The following GNA14 variants were observed in gnomAD, a reference collection of about 807,000 sequenced individuals.
GNA14 encodes guanine nucleotide-binding protein subunit alpha-14.
A neutral mutation model predicts 42.0 loss-of-function variants in GNA14; 50 were observed. That is an observed-to-expected ratio of 1.19 (90% CI 0.95 to 1.51). The LOEUF (loss-of-function observed/expected upper bound fraction) is 1.51, where lower values mean the gene tolerates loss of function less well. Ranked by LOEUF, GNA14 falls within the 40% of genes most tolerant of loss-of-function variation. The pLI is 0.00. For missense variants in GNA14, 473 were observed against 446.2 expected (o/e 1.06, Z -0.54); for synonymous variants, 173 against 163.1 (o/e 1.06, Z -0.46).
intron 2 of GNA14, among the ~76,000 whole-genome samples, chr9:77,474,251 C>A (rs1385326443): frequency 6.6e-6 from 1 of 152,112 alleles, no homozygotes; most frequent in Non-Finnish European, 1.5e-5. Flanking sequence ...GTTTGTAAAT[C>A]ATGTATTTAA....
At chr9:77,598,881 T>G (rs1823508142) in intron 1 of GNA14, among the ~76,000 whole-genome samples, 1 of 152,200 alleles carries the variant, frequency 6.6e-6, no homozygotes, top group South Asian at 2.1e-4. Context: ...GATTGACCAG[T>G]TCATTCAATA....
At position 77,536,655 on chromosome 9, in the gene GNA14, A is replaced by G. The variant is rs138316816; in HGVS notation, c.125-7402T>C. Among the ~76,000 whole-genome samples, 1,108 of 152,306 alleles carry G rather than the reference A, an allele frequency of 7.3e-3. 21 individuals carry two copies. Among genetic ancestry groups the G allele is most frequent in the African/African-American group, 0.025 (1,046 of 41,568 alleles). ...GTAAGACACCGTGCCCTGCCTTATT[A>G]GTCTCTTGATTCGTTAATCTGCAAA... On this transcript the variant is annotated intron_variant, in intron 1 of 6. Transcript: ENST00000341700.
intron 1 of GNA14, among the ~76,000 whole-genome samples, chr9:77,610,121 C>T (rs1374478296): frequency 2.0e-5 from 3 of 152,136 alleles, no homozygotes; most frequent in Non-Finnish European, 1.5e-5. Context: ...AGTTTAGTTC[C>T]ACCCCTCACC....
chr9:77,428,082 TC>T (rs531338581), intron 5 of GNA14, among the ~76,000 whole-genome samples: 4,831 of 136,710 alleles, frequency 0.035, 202 homozygotes, highest in South Asian at 0.059. Flanking sequence ...TTTTTTTTTT[TC>T]TTTTTTTTTT....
At chr9:77,565,048 C>A (rs767992561) in intron 1 of GNA14, among the ~76,000 whole-genome samples, 13 of 152,182 alleles carry the variant, frequency 8.5e-5, no homozygotes, top group Non-Finnish European at 1.3e-4. Context: ...TATTGTTCTG[C>A]TGCTGTTTTC....
At position 77,647,770 on chromosome 9, in the gene GNA14, G is replaced by T; in HGVS notation, c.24C>A (p.Ser8=). The change falls in exon 1 of 7, where the codon TCC becomes TCA. Residue 8 remains serine (S), a synonymous_variant. Transcript: ENST00000341700. MAGCCCL[S]AEEKESQRIS... ...TGCGCTGCGACTCCTTCTCCTCCGC[G>T]GACAGGCAGCAGCAGCCGGCCATGG... 1.2e-6 allele frequency: 2 copies of T among 1,609,990 alleles called. No individual in the cohort carries two copies. Among genetic ancestry groups the T allele is most frequent in the Non-Finnish European group, 1.7e-6 (2 of 1,178,844 alleles).
chr9:77,553,187 A>G (rs1384173160), intron 1 of GNA14, among the ~76,000 whole-genome samples: 2 of 151,744 alleles, frequency 1.3e-5, no homozygotes, highest in Non-Finnish European at 2.9e-5. Context: ...GTTCTTTTCT[A>G]CTCCCCCAGC....
chr9:77,454,682 A>C (rs975501690), intron 2 of GNA14, among the ~76,000 whole-genome samples: 1 of 149,680 alleles, frequency 6.7e-6, no homozygotes, highest in African/African-American at 2.5e-5. Flanking sequence ...TGACCTCACT[A>C]TAGCCTTTCC....
intron 1 of GNA14, among the ~76,000 whole-genome samples, chr9:77,579,906 G>A (rs940411446): frequency 6.6e-6 from 1 of 152,086 alleles, no homozygotes; most frequent in Non-Finnish European, 1.5e-5. Context: ...TTCCTCTTGG[G>A]AGCACACTTG....
intron 1 of GNA14, among the ~76,000 whole-genome samples, chr9:77,606,023 C>G (rs1197190913): frequency 6.6e-6 from 1 of 152,058 alleles, no homozygotes; most frequent in African/African-American, 2.4e-5. Flanking sequence ...GGAAAAAACT[C>G]AAACAATGAA....
intron 1 of GNA14, among the ~76,000 whole-genome samples, chr9:77,622,540 G>A (rs941010053): frequency 5.1e-4 from 78 of 151,906 alleles, no homozygotes; most frequent in African/African-American, 1.8e-3. Context: ...AGGCCGAGTT[G>A]GGCGGATCAC....
chr9:77,439,424 A>G (rs1489752303), intron 2 of GNA14, among the ~76,000 whole-genome samples: 1 of 152,120 alleles, frequency 6.6e-6, no homozygotes, highest in Middle Eastern at 3.2e-3. Flanking sequence ...GGATCGCTTG[A>G]GCCTAGGAAT....
chr9:77,441,986 G>A (rs1275265089), intron 2 of GNA14, among the ~76,000 whole-genome samples: 1 of 152,210 alleles, frequency 6.6e-6, no homozygotes, highest in Non-Finnish European at 1.5e-5. Context: ...TCAGGTAAAG[G>A]AGGATGACTA....
intron 2 of GNA14, among the ~76,000 whole-genome samples, chr9:77,471,676 C>T (rs1351164301): frequency 3.9e-5 from 6 of 152,014 alleles, no homozygotes; most frequent in Non-Finnish European, 7.4e-5. Flanking sequence ...TAGTTGAGAA[C>T]GCAGGAGAAA....
chr9:77,536,368 G>C (rs1837599196), intron 1 of GNA14, among the ~76,000 whole-genome samples: 1 of 152,092 alleles, frequency 6.6e-6, no homozygotes. Context: ...GTGTGTGAGA[G>C]AGACAAGAGT....
At chr9:77,515,988 G>C (rs999637888) in intron 2 of GNA14, among the ~76,000 whole-genome samples, 4 of 66,788 alleles carry the variant, frequency 6.0e-5, no homozygotes, top group Non-Finnish European at 9.2e-5. Flanking sequence ...AAAAAACCCA[G>C]AGCAGGAAGA....
In GNA14 at chr9:77,568,442, G is replaced by C. The variant is rs541920004; in HGVS notation, c.125-39189C>G. Among the ~76,000 whole-genome samples the C allele has an allele frequency of 4.0e-4, 60 of 150,864 alleles. 1 individual carries two copies. Among genetic ancestry groups the C allele is most frequent in the Non-Finnish European group, 7.1e-4 (48 of 67,654 alleles). The stretch of plus-strand genomic sequence containing the variant: ...AGGAGGTGGAGGTTGCAGTGAGCAG[G>C]GATCATGCCACTGCACTCCAGCCTG... On this transcript the variant is annotated intron_variant, in intron 1 of 6. Transcript: ENST00000341700.
chr9:77,517,420 T>C (rs1268042534), intron 2 of GNA14: 1 of 150,268 alleles, frequency 6.7e-6, no homozygotes, highest in East Asian at 2.0e-4. Flanking sequence ...GGGCCACCCA[T>C]TAATTCATTG....
At chr9:77,538,444 A>AT (rs964748659) in intron 1 of GNA14, among the ~76,000 whole-genome samples, 24 of 150,836 alleles carry the variant, frequency 1.6e-4, no homozygotes, top group East Asian at 1.4e-3. Context: ...GAAACTTGGG[A>AT]TTTTTTTTTC....
Sources: gnomAD v4.1 joint callset for allele counts (sites outside exome capture counted in the v4.1 genomes callset) on GRCh38, gnomAD v4.1.1 for gene constraint, MANE v1.5 for transcripts, NCBI Gene and HGNC (gene_info 2026-07-23, HGNC 2026-07-21) for gene names.